Variants in FARP2 observed in about 807,000 individuals in gnomAD.
FARP2 encodes the protein FERM, ARH/RhoGEF and pleckstrin domain protein 2, also known as FERM, ARHGEF and pleckstrin domain-containing protein 2.
A neutral mutation model predicts 130.5 loss-of-function variants in FARP2; 111 were observed. That is an observed-to-expected ratio of 0.85 (90% CI 0.73 to 1.00). The LOEUF (loss-of-function observed/expected upper bound fraction) is 1.00, where lower values mean the gene tolerates loss of function less well. Ranked by LOEUF, FARP2 falls within the 50% of genes least tolerant of loss-of-function variation. The pLI, the probability that FARP2 is intolerant of heterozygous loss-of-function variation, is 0.00. For synonymous variants in FARP2, 504 were observed against 516.9 expected, an observed-to-expected ratio of 0.98 and a Z score of 0.34; for missense variants, 1,385 against 1,346.3, an observed-to-expected ratio of 1.03 and a Z score of -0.45.
rs1027020199 is a variant in FARP2, at chr2:241,465,342, TCCCCCCTC to T, written c.1893+1366_1893+1373del. ...TCAGAACATCATTCTCAGGACAGAG[TCCCCCCTC>T]CCCAGGGCAGGACCTGTTCAGGGCA... On this transcript the variant is annotated intron_variant, in intron 17 of 26. Transcript: ENST00000264042. 1.7e-5 allele frequency: 13 copies of T among 764,548 alleles called. No individual in the cohort carries two copies. The African/African-American group carries it at 1.9e-4, about 11-fold the overall frequency. 47.4% of individuals were successfully genotyped at this position (764,548 alleles called of 1,614,324 possible).
chr2:241,472,160 T>A (rs1279128907), intron 18 of FARP2, among the ~76,000 whole-genome samples: 1 of 150,730 alleles, frequency 6.6e-6, no homozygotes, highest in Non-Finnish European at 1.5e-5. Flanking sequence ...GAGGGGACCC[T>A]GTTCTTAGGG....
intron 19 of FARP2, chr2:241,479,053 C>CTCTTTCCCAAGATG: frequency 1.9e-6 from 1 of 537,772 alleles, no homozygotes; most frequent in Admixed American, 2.7e-5. Flanking sequence ...CAATGAACTA[C>CTCTTTCCCAAGATG]CATGTCCAGG....
intron 13 of FARP2, among the ~76,000 whole-genome samples, chr2:241,456,278 G>C (rs899670652): frequency 1.3e-5 from 2 of 152,196 alleles, no homozygotes; most frequent in Non-Finnish European, 2.9e-5. Flanking sequence ...TGAATAATAA[G>C]TTTGGCCTTA....
chr2:241,452,681 CTG>C (rs1162095445), intron 13 of FARP2, among the ~76,000 whole-genome samples: 2 of 151,964 alleles, frequency 1.3e-5, no homozygotes, highest in Non-Finnish European at 2.9e-5. Context: ...TGGCTCACAT[CTG>C]TAATCCCAGC....
At chr2:241,437,666 A>ATTTT (rs1243876155) in intron 12 of FARP2, among the ~76,000 whole-genome samples, 12 of 129,234 alleles carry the variant, frequency 9.3e-5, no homozygotes, top group Admixed American at 1.8e-4. Context: ...TTATTTATTT[A>ATTTT]TTTATTTTTT....
At chr2:241,406,430 G>T (rs1438598523) in intron 4 of FARP2, among the ~76,000 whole-genome samples, 1 of 152,006 alleles carries the variant, frequency 6.6e-6, no homozygotes. Flanking sequence ...TAGAGAGAGA[G>T]AGAGAGAGCA....
At chr2:241,417,877 T>C in intron 7 of FARP2, 85 bp from the exon 8 acceptor site, 1 of 1,461,262 alleles carries the variant, frequency 6.8e-7, no homozygotes, top group Non-Finnish European at 9.4e-7. Context: ...TCATTGTTGG[T>C]TTTCCTGATC....
chr2:241,475,908 T>C lies in FARP2; in HGVS notation c.2183T>C (p.Ile728Thr), dbSNP rs1559805716. Reference protein sequence around the residue: ...EVTTTLQHILIRLENLQKLTE... With the variant: ...EVTTTLQHILTRLENLQKLTE... Reference sequence around the variant, plus strand: ...ACCACCACACTACAGCACATTCTCATCCGGCTGGAGAACCTGCAGAAGCTA... The same window carrying C: ...ACCACCACACTACAGCACATTCTCACCCGGCTGGAGAACCTGCAGAAGCTA... Residue 728 changes from isoleucine to threonine, a missense_variant, in exon 19 of 27, where the codon ATC becomes ACC. Ile to Thr is a moderately conservative substitution (Grantham distance 89). Transcript: ENST00000264042. This position sits in a 1 kb window ranked among gnomAD's most constrained non-coding sequence, Gnocchi z 4.4. 1.9e-6 allele frequency: 3 copies of C among 1,613,888 alleles called. No individual in the cohort carries two copies. The highest frequency in any genetic ancestry group is 3.3e-5 in the Admixed American group (2 of 59,994).
chr2:241,482,233 A>C lies in FARP2; in HGVS notation c.2263-1232A>C, dbSNP rs2064633367. On this transcript the variant is annotated intron_variant, in intron 19 of 26. Coordinates refer to ENST00000264042, the MANE Select transcript of FARP2 (RefSeq NM_014808.4). The surrounding 1 kb of genome is among the most constrained non-coding windows in gnomAD (Gnocchi z 4.6). ...GGGGAACAAATTTGACAGCTTGGTCAAAGGCCCACGGTGCTGAGCCTCACA... is the reference window on the plus strand; with the variant it reads ...GGGGAACAAATTTGACAGCTTGGTCCAAGGCCCACGGTGCTGAGCCTCACA... 6.6e-6 allele frequency among the ~76,000 whole-genome samples: 1 copy of C among 152,212 alleles called. No individual in the cohort carries two copies. The highest frequency in any genetic ancestry group is 1.5e-5 in the Non-Finnish European group (1 of 68,040).
intron 17 of FARP2, among the ~76,000 whole-genome samples, chr2:241,464,429 T>C (rs1202796570): frequency 1.4e-5 from 2 of 143,272 alleles, no homozygotes; most frequent in Non-Finnish European, 3.0e-5. Context: ...CAGCATCCCC[T>C]CAGAGCAGGG....
At position 241,441,513 on chromosome 2, in the gene FARP2, A is replaced by G. The variant is rs146987462; in HGVS notation, c.1368A>G (p.Pro456=). The stretch of plus-strand genomic sequence containing the variant: ...CAGTGGCTGGAGGCCCCGACACACC[A>G]TCGGCCCAGCCCCTCGGGCCCCCCG... ...SGAVAGGPDT[P]SAQPLGPPAL... The change falls in exon 13 of 27, where the codon CCA becomes CCG. Residue 456 remains proline (P), a synonymous_variant. Coordinates refer to ENST00000264042, the MANE Select transcript of FARP2 (RefSeq NM_014808.4). The G allele has an allele frequency of 2.5e-6, 4 of 1,613,932 alleles. No individual in the cohort carries two copies. Among genetic ancestry groups the G allele is most frequent in the African/African-American group, 2.7e-5 (2 of 74,916 alleles).
intron 18 of FARP2, among the ~76,000 whole-genome samples, chr2:241,474,895 C>T (rs2064417974): frequency 6.6e-6 from 1 of 152,048 alleles, no homozygotes; most frequent in South Asian, 2.1e-4. Flanking sequence ...AGGATGCAGA[C>T]CCTGTGCTCC....
chr2:241,394,896 T>G (rs1053998496), intron 2 of FARP2, among the ~76,000 whole-genome samples: 9 of 152,308 alleles, frequency 5.9e-5, no homozygotes, highest in Non-Finnish European at 1.2e-4. Context: ...CCCTACTCCC[T>G]ACTCAGGAGG....
intron 2 of FARP2, among the ~76,000 whole-genome samples, chr2:241,374,663 G>A (rs1232702995): frequency 6.6e-6 from 1 of 152,182 alleles, no homozygotes; most frequent in East Asian, 1.9e-4. Context: ...TTTGAGTGTT[G>A]TTTGAAGGCA....
intron 2 of FARP2, among the ~76,000 whole-genome samples, chr2:241,391,921 A>G (rs2061915978): frequency 6.6e-6 from 1 of 152,224 alleles, no homozygotes; most frequent in South Asian, 2.1e-4. Flanking sequence ...AGAAATAATG[A>G]TTAACCAGCA....
At chr2:241,410,957 G>A in intron 5 of FARP2, 76 bp from the exon 6 acceptor site, 1 of 1,027,244 alleles carries the variant, frequency 9.7e-7, no homozygotes, top group Non-Finnish European at 1.5e-6. Flanking sequence ...TTGCTGTCTT[G>A]CTGTGGAGAC....
intron 21 of FARP2, among the ~76,000 whole-genome samples, chr2:241,484,637 TTAGAG>T (rs765676551): frequency 1.3e-5 from 2 of 152,198 alleles, no homozygotes; most frequent in Non-Finnish European, 2.9e-5. Flanking sequence ...CCCCGCAAGC[TTAGAG>T]TCAGCCTCTG....
intron 2 of FARP2, among the ~76,000 whole-genome samples, chr2:241,376,902 G>A (rs1431997831): frequency 6.6e-6 from 1 of 152,230 alleles, no homozygotes; most frequent in Non-Finnish European, 1.5e-5. Context: ...GGGAAGGAAA[G>A]GCTGTATTGT....
At chr2:241,488,668 G>A (rs1474658318) in intron 21 of FARP2, 5 of 152,162 alleles carry the variant, frequency 3.3e-5, no homozygotes, top group African/African-American at 1.2e-4. Context: ...CCAAAGTGCT[G>A]GGATTACAGG....
Sources: allele counts gnomAD v4.1 joint callset (sites outside exome capture counted in the v4.1 genomes callset), GRCh38; gene constraint gnomAD v4.1.1; non-coding constraint Gnocchi (gnomAD v3.1); transcripts MANE v1.5; gene names NCBI Gene and HGNC (gene_info 2026-07-23, HGNC 2026-07-21).